Variants in ATP11A observed in about 807,000 individuals in gnomAD.
The protein encoded by ATP11A is phospholipid-transporting ATPase IH.
ATP11A carries 81 observed loss-of-function variants against 154.4 expected under a neutral mutation model. That is an observed-to-expected ratio of 0.52 (90% confidence interval 0.44 to 0.63). ATP11A has a LOEUF of 0.63. Ranked by LOEUF, ATP11A falls within the 30% of genes least tolerant of loss-of-function variation. The probability of loss-of-function intolerance (pLI) is 0.00; values close to 1 mark genes in which losing one functional copy is unlikely to be tolerated. For missense variants in ATP11A, 1,316 were observed against 1,474.3 expected, an observed-to-expected ratio of 0.89 and a Z score of 1.76; for synonymous variants, 623 against 585.9, an observed-to-expected ratio of 1.06 and a Z score of -0.91.
intron 1 of ATP11A, among the ~76,000 whole-genome samples, chr13:112,777,415 T>C (rs527255876): frequency 1.2e-4 from 18 of 152,114 alleles, no homozygotes; most frequent in African/African-American, 3.6e-4. Context: ...AATACAAAAA[T>C]TAGCCAAGTG....
At chr13:112,766,851 T>C (rs1354555542) in intron 1 of ATP11A, among the ~76,000 whole-genome samples, 1 of 30,884 alleles carries the variant, frequency 3.2e-5, no homozygotes, top group Non-Finnish European at 5.3e-5. Flanking sequence ...TGGGGGCCCC[T>C]GTGGGAAGGT....
intron 1 of ATP11A, among the ~76,000 whole-genome samples, chr13:112,782,284 A>G (rs1377325375): frequency 6.6e-6 from 1 of 152,152 alleles, no homozygotes. Flanking sequence ...TGGCATGGGC[A>G]ATGCCACACG....
At chr13:112,808,564 G>C (rs576086519) in intron 4 of ATP11A, among the ~76,000 whole-genome samples, 1 of 151,324 alleles carries the variant, frequency 6.6e-6, no homozygotes, top group Admixed American at 6.6e-5. Flanking sequence ...TTCCCAAATG[G>C]CCTCCCCACA....
intron 1 of ATP11A, among the ~76,000 whole-genome samples, chr13:112,779,431 G>A (rs1043188776): frequency 4.6e-5 from 7 of 151,976 alleles, no homozygotes; most frequent in Non-Finnish European, 1.0e-4. Context: ...GTAGCCGCTG[G>A]AGTGAGGAGT....
chr13:112,805,195 CAAAAT>C, intron 3 of ATP11A, 149 bp downstream of exon 3: 5 of 336,742 alleles, frequency 1.5e-5, no homozygotes, highest in South Asian at 4.6e-5. Flanking sequence ...TAAGGAAGGG[CAAAAT>C]GTCTTGGTTC....
intron 16 of ATP11A, among the ~76,000 whole-genome samples, chr13:112,839,127 C>T (rs1265358821): frequency 6.6e-6 from 1 of 152,094 alleles, no homozygotes; most frequent in Non-Finnish European, 1.5e-5. Flanking sequence ...GGAAGGACTT[C>T]GGAAGTCACA....
At chr13:112,876,809 C>T (rs2080742001) in intron 28 of ATP11A, among the ~76,000 whole-genome samples, 1 of 152,106 alleles carries the variant, frequency 6.6e-6, no homozygotes, top group Non-Finnish European at 1.5e-5. Context: ...AGCCCTGACT[C>T]ACTCACGTAG....
At chr13:112,810,021 G>T (rs554528477) in intron 4 of ATP11A, among the ~76,000 whole-genome samples, 1 of 152,210 alleles carries the variant, frequency 6.6e-6, no homozygotes, top group Non-Finnish European at 1.5e-5. Flanking sequence ...TGTTTCCCGC[G>T]TGGGTTACTC....
intron 28 of ATP11A, among the ~76,000 whole-genome samples, chr13:112,878,005 T>G (rs1594260190): frequency 6.8e-6 from 1 of 146,470 alleles, no homozygotes; most frequent in African/African-American, 2.5e-5. Context: ...AAGCAGGGGG[T>G]GGGAGGGGCT....
Position 112,862,587 on chromosome 13 carries a change from G to T in ATP11A, c.2991+12G>T, listed in dbSNP as rs1166253291. 1 of 1,614,064 alleles carries T rather than the reference G, an allele frequency of 6.2e-7. No individual in the cohort carries two copies. Among genetic ancestry groups the T allele is most frequent in the South Asian group, 1.1e-5 (1 of 91,078 alleles). ...CAAGCAACGGGCAGGTCAGTACAGA[G>T]CTCGATTGCGCTGACTTAGCTGCTT... On this transcript the variant is annotated intron_variant, in intron 25 of 29. Coordinates refer to ENST00000375645, the MANE Select transcript of ATP11A (RefSeq NM_015205.3).
intron 2 of ATP11A, among the ~76,000 whole-genome samples, chr13:112,789,608 AGACC>A (rs2077779499): frequency 6.8e-6 from 1 of 146,758 alleles, no homozygotes; most frequent in African/African-American, 2.6e-5. Flanking sequence ...ACCCCTGTGG[AGACC>A]TACTTAATTC....
At position 112,835,925 on chromosome 13, in the gene ATP11A, A is replaced by C. The variant is rs113477678; in HGVS notation, c.1632-253A>C. Among the ~76,000 whole-genome samples the C allele has an allele frequency of 8.9e-3, 1,353 of 152,290 alleles. 23 individuals are homozygous for C. Among genetic ancestry groups the C allele is most frequent in the African/African-American group, 0.03 (1,252 of 41,570 alleles). ...AATCTGAGCCTATGCCCTGGGTAGG[A>C]TGGGGACGTAGTGAGGAGCCGGTGC... On this transcript the variant is annotated intron_variant, in intron 15 of 29. Transcript: ENST00000375645.
chr13:112,752,681 A>C (rs1267532683), intron 1 of ATP11A, among the ~76,000 whole-genome samples: 2 of 152,254 alleles, frequency 1.3e-5, no homozygotes, highest in Non-Finnish European at 2.9e-5. Context: ...AATGAACCAC[A>C]CATTTCTACA....
intron 25 of ATP11A, among the ~76,000 whole-genome samples, chr13:112,870,809 G>A (rs1337448334): frequency 6.6e-6 from 1 of 152,282 alleles, no homozygotes; most frequent in African/African-American, 2.4e-5. Flanking sequence ...CAAGTTTCCA[G>A]TCGGGGGTTT....
intron 1 of ATP11A, among the ~76,000 whole-genome samples, chr13:112,758,909 C>T (rs1400514588): frequency 6.6e-6 from 1 of 152,310 alleles, no homozygotes; most frequent in Middle Eastern, 3.4e-3. Flanking sequence ...GCCAAAAAAT[C>T]GGCTTTAGAA....
intron 18 of ATP11A, 50 bp downstream of exon 18, chr13:112,851,268 C>T (rs1237524431): frequency 1.3e-6 from 2 of 1,575,432 alleles, no homozygotes; most frequent in Non-Finnish European, 1.7e-6. Flanking sequence ...GGGATGCAGG[C>T]CGACGGCCCA....
chr13:112,832,672 CAG>C (rs958616759), intron 13 of ATP11A, among the ~76,000 whole-genome samples, 186 bp from the exon 14 acceptor site: 2 of 152,222 alleles, frequency 1.3e-5, no homozygotes, highest in Non-Finnish European at 2.9e-5. Context: ...AATTACAAAA[CAG>C]AGTGCTTGAG....
rs553909898 is a variant in ATP11A, at chr13:112,828,552, C to T, written c.1221+1661C>T. On this transcript the variant is annotated intron_variant, in intron 12 of 29. Coordinates refer to ENST00000375645, the MANE Select transcript of ATP11A (RefSeq NM_015205.3). Reference sequence around the variant, plus strand: ...CAGCAGTGTTGAGTAGGGGGGAAAGCGCCAAGAAGTGTTGAGTGCGGGGGA... The same window carrying T: ...CAGCAGTGTTGAGTAGGGGGGAAAGTGCCAAGAAGTGTTGAGTGCGGGGGA... Among the ~76,000 whole-genome samples, 190 of 148,720 alleles carry T rather than the reference C, an allele frequency of 1.3e-3. 1 individual carries two copies. Among genetic ancestry groups the T allele is most frequent in the African/African-American group, 4.6e-3 (184 of 40,220 alleles).
intron 1 of ATP11A, among the ~76,000 whole-genome samples, chr13:112,778,500 G>A (rs1262525377): frequency 6.6e-6 from 1 of 152,278 alleles, no homozygotes; most frequent in Non-Finnish European, 1.5e-5. Flanking sequence ...TTGGGAGGCT[G>A]CACAGGGAGC....
Sources: gnomAD v4.1 joint callset for allele counts (sites outside exome capture counted in the v4.1 genomes callset) on GRCh38, gnomAD v4.1.1 for gene constraint, MANE v1.5 for transcripts, NCBI Gene and HGNC (gene_info 2026-07-23, HGNC 2026-07-21) for gene names.